The following VPS13B variants were observed in gnomAD, a reference collection of about 807,000 sequenced individuals.
VPS13B encodes intermembrane lipid transfer protein VPS13B.
Under a neutral mutation model 426.4 loss-of-function variants are expected in VPS13B, and 285 were observed. The observed-to-expected ratio is 0.67, with a 90% CI of 0.61 to 0.74. The LOEUF is 0.74. Ranked by LOEUF, VPS13B falls within the 30% of genes least tolerant of loss-of-function variation. The probability of loss-of-function intolerance (pLI) is 0.00; values close to 1 mark genes in which losing one functional copy is unlikely to be tolerated. For synonymous variants in VPS13B, 1,676 were observed against 1,676.4 expected, an observed-to-expected ratio of 1.00 and a Z score of 0.01; for missense variants, 4,537 against 4,782.6, an observed-to-expected ratio of 0.95 and a Z score of 1.51.
chr8:99,570,941 G>T (rs1461760175), intron 31 of VPS13B, among the ~76,000 whole-genome samples: 1 of 152,096 alleles, frequency 6.6e-6, no homozygotes, highest in African/African-American at 2.4e-5. Flanking sequence ...ATACATGTAG[G>T]ATATTTCTCA....
intron 31 of VPS13B, among the ~76,000 whole-genome samples, chr8:99,558,261 G>A (rs146860018): frequency 6.6e-6 from 1 of 152,028 alleles, no homozygotes; most frequent in Non-Finnish European, 1.5e-5. Flanking sequence ...GATAAATAAT[G>A]TATCAAAAAC....
intron 19 of VPS13B, chr8:99,340,721 TG>T: frequency 2.8e-6 from 1 of 359,848 alleles, no homozygotes. Context: ...AGGAGCAGCC[TG>T]GGGCATGCTA....
rs559173343 is a variant in VPS13B at position 99,454,591 on chromosome 8, A to G, written c.3445+11956A>G. On this transcript the variant is annotated intron_variant, in intron 23 of 61. Transcript: ENST00000357162. ...TGGCAATTTTAAATAAAGCCGCTAT[A>G]TACCTCCATCTGCAGGTTTTTGTGT... 2.2e-4 allele frequency among the ~76,000 whole-genome samples: 33 copies of G among 152,310 alleles called. No individual in the cohort carries two copies. In the East Asian group the frequency reaches 6.2e-3, roughly 29 times the overall value.
chr8:99,231,479 T>A (rs1816320977), intron 17 of VPS13B, among the ~76,000 whole-genome samples: 1 of 152,182 alleles, frequency 6.6e-6, no homozygotes, highest in Non-Finnish European at 1.5e-5. Context: ...ATATTCTCTC[T>A]CTCTTTTTCT....
chr8:99,391,817 G>A (rs1814463668), intron 21 of VPS13B, 113 bp downstream of exon 21: 2 of 1,359,998 alleles, frequency 1.5e-6, no homozygotes, highest in African/African-American at 1.4e-5. Context: ...ATTGAGTGGA[G>A]ACAAAGAACT....
chr8:99,462,165 TCTCC>T (rs749272314), intron 23 of VPS13B, among the ~76,000 whole-genome samples: 8 of 148,818 alleles, frequency 5.4e-5, no homozygotes, highest in African/African-American at 1.5e-4. Flanking sequence ...TCCCTCCCTT[TCTCC>T]CTCCCTCCCT....
intron 17 of VPS13B, among the ~76,000 whole-genome samples, chr8:99,252,948 A>G (rs1007139696): frequency 9.9e-5 from 15 of 152,084 alleles, no homozygotes; most frequent in African/African-American, 3.1e-4. Flanking sequence ...GAACATTTTT[A>G]TCTCCCCAGA....
intron 3 of VPS13B, among the ~76,000 whole-genome samples, chr8:99,083,018 T>C (rs2132378323): frequency 6.6e-6 from 1 of 152,350 alleles, no homozygotes; most frequent in African/African-American, 2.4e-5. Context: ...AGTAGCTTGA[T>C]GGGAATGGCA....
intron 30 of VPS13B, among the ~76,000 whole-genome samples, chr8:99,552,169 C>T (rs957671938): frequency 6.6e-6 from 1 of 151,640 alleles, no homozygotes; most frequent in Non-Finnish European, 1.5e-5. Context: ...TTTTTTTTCT[C>T]ATTTGTAGTT....
At chr8:99,148,287 C>T (rs568866837) in intron 14 of VPS13B, among the ~76,000 whole-genome samples, 11 of 150,768 alleles carry the variant, frequency 7.3e-5, no homozygotes, top group Non-Finnish European at 1.0e-4. Context: ...TTGCTTGAGC[C>T]CAGAAGTTTG....
intron 21 of VPS13B, among the ~76,000 whole-genome samples, chr8:99,411,559 T>C (rs1815665912): frequency 6.6e-6 from 1 of 152,224 alleles, no homozygotes; most frequent in African/African-American, 2.4e-5. Flanking sequence ...AGAAGCTCTT[T>C]AGTTTATTTA....
intron 25 of VPS13B, among the ~76,000 whole-genome samples, chr8:99,491,183 G>C (rs1452030548): frequency 1.3e-5 from 2 of 152,160 alleles, no homozygotes; most frequent in Non-Finnish European, 2.9e-5. Context: ...TTCACGAGCA[G>C]GTTGTTCAGT....
At position 99,728,693 on chromosome 8, in the gene VPS13B, C is replaced by T. The variant is rs574073527; in HGVS notation, c.7050+7646C>T. 1.8e-4 allele frequency among the ~76,000 whole-genome samples: 27 copies of T among 152,250 alleles called. 1 individual carries two copies. The South Asian group carries it at 5.4e-3, about 30-fold the overall frequency. ...ACTGCTGTAAGAGACACTATCTTCC[C>T]CACAGTTATGGTTAGTGGACTCTGG... On this transcript the variant is annotated intron_variant, in intron 39 of 61. Transcript: ENST00000357162.
At chr8:99,130,549 G>A (rs1339403186) in intron 8 of VPS13B, among the ~76,000 whole-genome samples, 9 of 151,868 alleles carry the variant, frequency 5.9e-5, no homozygotes, top group Middle Eastern at 3.4e-3. Context: ...CACCATGCCC[G>A]GCTAATTTTT....
Position 99,642,146 on chromosome 8 carries a change from C to G in VPS13B, c.5556C>G (p.Leu1852=). The change falls in exon 34 of 62, where the codon CTC becomes CTG. Residue 1852 remains leucine, a synonymous_variant. Transcript: ENST00000357162. ...NEKTDKSSLN[L]PEVDSDVAKP... ...AAACAGACAAGAGTTCATTAAATCT[C>G]CCAGAAGTTGATTCAGATGTTGCTA... 1 of 1,614,114 alleles carries G rather than the reference C, an allele frequency of 6.2e-7. No individual in the cohort carries two copies. The highest frequency in any genetic ancestry group is 8.5e-7 in the Non-Finnish European group (1 of 1,180,014).
chr8:99,683,103 C>T (rs1331348744), intron 35 of VPS13B, among the ~76,000 whole-genome samples: 1 of 151,942 alleles, frequency 6.6e-6, no homozygotes, highest in Non-Finnish European at 1.5e-5. Flanking sequence ...TATTCAACAC[C>T]ATCTGTAAAC....
intron 3 of VPS13B, among the ~76,000 whole-genome samples, chr8:99,091,128 G>A (rs1455038752): frequency 2.6e-5 from 4 of 152,230 alleles, no homozygotes; most frequent in Non-Finnish European, 4.4e-5. Flanking sequence ...ATCATGGGTC[G>A]GGGGCTATGT....
chr8:99,576,100 A>G (rs1393716484), intron 32 of VPS13B, among the ~76,000 whole-genome samples: 1 of 152,164 alleles, frequency 6.6e-6, no homozygotes, highest in Non-Finnish European at 1.5e-5. Flanking sequence ...TGCCTCATAT[A>G]TAGCTACTCT....
rs756055744 is a variant in VPS13B, at chr8:99,275,272, A to G, written c.2824+18A>G. The G allele has an allele frequency of 6.4e-7, 1 of 1,560,246 alleles. No homozygotes were observed. The highest frequency in any genetic ancestry group is 2.3e-5 in the East Asian group (1 of 43,126). ...CAATTCCGGTAAGTACAAACCTATC[A>G]TTATTCCCTTGTTTTGCTTTTTTTT... On this transcript the variant is annotated intron_variant, in intron 19 of 61. Transcript: ENST00000357162.
Sources: gnomAD v4.1 joint callset for allele counts (sites outside exome capture counted in the v4.1 genomes callset) on GRCh38, gnomAD v4.1.1 for gene constraint, MANE v1.5 for transcripts, NCBI Gene and HGNC (gene_info 2026-07-23, HGNC 2026-07-21) for gene names.